Variants in ZNF609 observed in about 807,000 individuals in gnomAD.
ZNF609 encodes the protein zinc finger protein 609.
ZNF609 carries 11 observed loss-of-function variants against 109.5 expected under a neutral mutation model. The observed-to-expected ratio is 0.10, with a 90% confidence interval of 0.06 to 0.17. The LOEUF is 0.17. Ranked by LOEUF, ZNF609 falls within the 10% of genes least tolerant of loss-of-function variation. The pLI is 1.00. For missense variants in ZNF609, 1,559 were observed against 1,772.4 expected (o/e 0.88, Z 2.16); for synonymous variants, 646 against 662.0 (o/e 0.98, Z 0.37).
At chr15:64,554,998 A>T (rs1318703084) in intron 2 of ZNF609, among the ~76,000 whole-genome samples, 1 of 151,784 alleles carries the variant, frequency 6.6e-6, no homozygotes, top group Non-Finnish European at 1.5e-5. Flanking sequence ...TGGGAGGCTG[A>T]GGCAGGAGAA....
At chr15:64,538,902 A>T (rs1894197770) in intron 2 of ZNF609, among the ~76,000 whole-genome samples, 1 of 151,472 alleles carries the variant, frequency 6.6e-6, no homozygotes, top group African/African-American at 2.4e-5. Context: ...TGGTGTGATC[A>T]TAGTTCACTG....
chr15:64,613,711 C>A (rs1472588023), intron 2 of ZNF609, among the ~76,000 whole-genome samples: 2 of 151,812 alleles, frequency 1.3e-5, no homozygotes, highest in Non-Finnish European at 2.9e-5. Flanking sequence ...CCACCATGCC[C>A]GGCTAATTTT....
At chr15:64,491,663 G>A (rs1459401019) in intron 1 of ZNF609, among the ~76,000 whole-genome samples, 1 of 151,610 alleles carries the variant, frequency 6.6e-6, no homozygotes, top group East Asian at 2.0e-4. Context: ...CTTGGCCAAC[G>A]TGGTGAAACC....
Position 64,460,743 on chromosome 15 carries a change from G to C in ZNF609, c.-223G>C. The C allele has an allele frequency of 6.6e-6, 1 of 152,404 alleles. No individual in the cohort carries two copies. Among genetic ancestry groups the C allele is most frequent in the Non-Finnish European group, 1.4e-5 (1 of 69,460 alleles). The allele number at this position is 152,404 out of a possible 1,614,324, so 9.4% of individuals were successfully genotyped here. A position where few individuals can be genotyped will look rare whatever the true frequency, so the allele number is the denominator to read the frequency against. On this transcript the variant is annotated 5_prime_UTR_variant, in exon 1 of 10. Transcript: ENST00000326648. ...GGGTGGGGTGGGGGGGAGGGGCCGC[G>C]GGAACGGATGGCGGCCTGGGCCCCG...
rs1896797432 is a variant in ZNF609, at chr15:64,675,596, C to T, written c.2742C>T (p.Ser914=). The change falls in exon 5 of 10, where the codon AGC becomes AGT. Residue 914 remains serine, a synonymous_variant. Transcript: ENST00000326648. ...AQSSPGALNP[S]SQAGVESQAL... The stretch of plus-strand genomic sequence containing the variant: ...CCAGCCCTGGGGCTCTGAACCCCAG[C>T]AGCCAGGCAGGAGTGGAGAGCCAGG... 6.2e-7 allele frequency: 1 copy of T among 1,614,122 alleles called. No homozygotes were observed. Among genetic ancestry groups the T allele is most frequent in the East Asian group, 2.2e-5 (1 of 44,886 alleles).
chr15:64,680,451 AC>A, intron 7 of ZNF609, 91 bp downstream of exon 7: 1 of 1,500,502 alleles, frequency 6.7e-7, no homozygotes, highest in Non-Finnish European at 9.1e-7. Flanking sequence ...TCAGGTCCTG[AC>A]CACAGTGCAG....
intron 2 of ZNF609, among the ~76,000 whole-genome samples, chr15:64,570,995 C>G (rs560422110): frequency 8.5e-5 from 13 of 152,318 alleles, no homozygotes; most frequent in African/African-American, 3.1e-4. Context: ...CACTGCACTC[C>G]AGCCGGGGCA....
intron 1 of ZNF609, among the ~76,000 whole-genome samples, chr15:64,479,593 TACCTG>T (rs1893222617): frequency 6.6e-6 from 1 of 151,786 alleles, no homozygotes; most frequent in Non-Finnish European, 1.5e-5. Context: ...GCCTGGCCCG[TACCTG>T]TGTGATCTTA....
intron 2 of ZNF609, among the ~76,000 whole-genome samples, chr15:64,595,360 CAA>C (rs923203042): frequency 1.0e-4 from 8 of 76,756 alleles, no homozygotes; most frequent in Non-Finnish European, 5.6e-5. Context: ...GATTCCGTCT[CAA>C]AAAAAAAAAA....
At chr15:64,573,310 C>A (rs774965717) in intron 2 of ZNF609, among the ~76,000 whole-genome samples, 43 of 138,752 alleles carry the variant, frequency 3.1e-4, no homozygotes, top group South Asian at 2.3e-4. Context: ...AAAAGCAGTG[C>A]AAGTAATTCT....
intron 3 of ZNF609, among the ~76,000 whole-genome samples, chr15:64,657,259 C>CAA (rs35250526): frequency 8.4e-6 from 1 of 118,868 alleles, no homozygotes; most frequent in Non-Finnish European, 1.8e-5. Context: ...GACTGTGTCT[C>CAA]AAAAAAAAAA....
chr15:64,544,700 T>G (rs1414888447), intron 2 of ZNF609, among the ~76,000 whole-genome samples: 1 of 152,184 alleles, frequency 6.6e-6, no homozygotes. Context: ...CAGAGTTCTT[T>G]CAACAGGAAA....
At position 64,577,008 on chromosome 15, in the gene ZNF609, G is replaced by GTATATATACACATATATA. The variant is rs1567019051; in HGVS notation, c.748-45816_748-45815insATATACACATATATATAT. Among the ~76,000 whole-genome samples, 4 of 112,332 alleles carry GTATATATACACATATATA rather than the reference G, an allele frequency of 3.6e-5. 2 individuals are homozygous for GTATATATACACATATATA. Among genetic ancestry groups the GTATATATACACATATATA allele is most frequent in the South Asian group, 5.5e-4 (2 of 3,656 alleles). 73.7% of individuals were successfully genotyped at this position (112,332 alleles called of 152,430 possible). On this transcript the variant is annotated intron_variant, in intron 2 of 9. Coordinates refer to ENST00000326648, the MANE Select transcript of ZNF609 (RefSeq NM_015042.2). ...TATGTATACACATAAATATATATAT[G>GTATATATACACATATATA]TATGTATACACATAAATATATATAT...
At chr15:64,541,057 C>G (rs976827130) in intron 2 of ZNF609, among the ~76,000 whole-genome samples, 4 of 143,092 alleles carry the variant, frequency 2.8e-5, no homozygotes, top group Admixed American at 1.4e-4. Flanking sequence ...ACTTTTGTGT[C>G]TAACAGCAAA....
At chr15:64,472,191 C>T (rs886858252) in intron 1 of ZNF609, among the ~76,000 whole-genome samples, 8 of 151,474 alleles carry the variant, frequency 5.3e-5, no homozygotes, top group African/African-American at 1.9e-4. Flanking sequence ...GGGATTACAG[C>T]CGTGAGCCAC....
chr15:64,675,007 A>G lies in ZNF609; in HGVS notation c.2153A>G (p.Asn718Ser). The G allele has an allele frequency of 1.2e-6, 2 of 1,613,980 alleles. No homozygotes were observed. Among genetic ancestry groups the G allele is most frequent in the East Asian group, 4.5e-5 (2 of 44,884 alleles). The change falls in exon 5 of 10, where the codon AAC becomes AGC. Residue 718 changes from asparagine to serine, a missense_variant. Transcript: ENST00000326648. ...PTVMGEPFTV[N>S]PALTPAKDKK... Reference sequence around the variant, plus strand: ...GTTATGGGAGAACCTTTCACAGTCAACCCTGCCTTGACTCCAGCCAAGGAC... The same window carrying G: ...GTTATGGGAGAACCTTTCACAGTCAGCCCTGCCTTGACTCCAGCCAAGGAC...
At chr15:64,681,426 CG>C (rs1567047366) in intron 9 of ZNF609, 39 bp downstream of exon 9, 1 of 1,545,056 alleles carries the variant, frequency 6.5e-7, no homozygotes, top group South Asian at 1.1e-5. Flanking sequence ...CACATAAAGC[CG>C]GGATAGTTGC....
intron 2 of ZNF609, among the ~76,000 whole-genome samples, chr15:64,513,917 G>T (rs758066249): frequency 2.6e-5 from 4 of 151,816 alleles, no homozygotes; most frequent in Non-Finnish European, 5.9e-5. Flanking sequence ...CATAGGGAGG[G>T]CCTGTCTGTA....
chr15:64,640,201 T>G (rs1055983395), intron 3 of ZNF609, among the ~76,000 whole-genome samples: 1 of 152,046 alleles, frequency 6.6e-6, no homozygotes, highest in Non-Finnish European at 1.5e-5. Flanking sequence ...TTAAATCTAC[T>G]TATTTTATTT....
Sources: allele counts gnomAD v4.1 joint callset (sites outside exome capture counted in the v4.1 genomes callset), GRCh38; gene constraint gnomAD v4.1.1; transcripts MANE v1.5; gene names NCBI Gene and HGNC (gene_info 2026-07-23, HGNC 2026-07-21).